Variants in ZNF536 observed in about 807,000 individuals in gnomAD.
ZNF536 encodes zinc finger protein 536.
ZNF536 carries 13 observed loss-of-function variants against 84.5 expected under a neutral mutation model. The ratio of observed to expected loss-of-function variants is 0.15; its 90% confidence interval spans 0.10 to 0.24. ZNF536 has a LOEUF of 0.24. Among genes scored for constraint, ZNF536 ranks in the 10% least tolerant of loss-of-function variants. ZNF536 has a pLI of 1.00. For synonymous variants in ZNF536, 811 were observed against 742.5 expected, an observed-to-expected ratio of 1.09 and a Z score of -1.50; for missense variants, 1,536 against 1,747.5, an observed-to-expected ratio of 0.88 and a Z score of 2.16.
In ZNF536 at chr19:30,592,730, T is replaced by C. The variant is rs943515141; in HGVS notation, c.169+43216T>C. The stretch of plus-strand genomic sequence containing the variant: ...CTAAGCCCAAAGATTAAATCAACTT[T>C]ACCCCCCATTTGCCAGCAAGTTCAC... On this transcript the variant is annotated intron_variant, in intron 1 of 1. Transcript: ENST00000592773. 1.3e-5 allele frequency among the ~76,000 whole-genome samples: 2 copies of C among 152,082 alleles called. 1 individual carries two copies. Among genetic ancestry groups the C allele is most frequent in the Admixed American group, 1.3e-4 (2 of 15,276 alleles).
chr19:30,398,644 G>A (rs2049922061), intron 1 of ZNF536, among the ~76,000 whole-genome samples: 1 of 152,028 alleles, frequency 6.6e-6, no homozygotes, highest in South Asian at 2.1e-4. Context: ...GCGGTGTTTG[G>A]TTTTCTGTTC....
intron 2 of ZNF536, among the ~76,000 whole-genome samples, chr19:30,285,633 C>T (rs1391955655): frequency 6.6e-6 from 1 of 152,208 alleles, no homozygotes; most frequent in Admixed American, 6.5e-5. Flanking sequence ...CCCAGAAATG[C>T]CCCTCTCTGA....
chr19:30,330,331 T>G (rs980412338), intron 2 of ZNF536, among the ~76,000 whole-genome samples: 1 of 152,156 alleles, frequency 6.6e-6, no homozygotes, highest in African/African-American at 2.4e-5. Context: ...AGAAACTCAC[T>G]CTTGAGTGGT....
intron 1 of ZNF536, among the ~76,000 whole-genome samples, chr19:30,430,977 T>C (rs909471582): frequency 2.0e-5 from 3 of 152,164 alleles, no homozygotes; most frequent in African/African-American, 7.2e-5. Context: ...CGCCTGCCCA[T>C]TGGGAGTCCT....
chr19:30,393,861 G>A (rs887072984), intron 1 of ZNF536, among the ~76,000 whole-genome samples: 4 of 152,208 alleles, frequency 2.6e-5, no homozygotes, highest in South Asian at 2.1e-4. Context: ...ATCATGTAAT[G>A]TGAATGTTGT....
At chr19:30,345,562 C>T (rs1000038288) in intron 2 of ZNF536, among the ~76,000 whole-genome samples, 1 of 152,166 alleles carries the variant, frequency 6.6e-6, no homozygotes, top group African/African-American at 2.4e-5. Flanking sequence ...AGCACTGTCC[C>T]ATGTCTACTT....
intron 1 of ZNF536, among the ~76,000 whole-genome samples, chr19:30,385,257 T>A (rs533413401): frequency 1.3e-5 from 2 of 151,904 alleles, no homozygotes; most frequent in African/African-American, 4.8e-5. Flanking sequence ...TGGTGGAGTT[T>A]GTCTAGCAAC....
At chr19:30,605,221 T>C (rs1268215183) in intron 1 of ZNF536, among the ~76,000 whole-genome samples, 1 of 152,108 alleles carries the variant, frequency 6.6e-6, no homozygotes, top group Non-Finnish European at 1.5e-5. Context: ...GGGGTGCAGA[T>C]GGTTTTTGGT....
At chr19:30,652,342 T>C (rs1056594354) in intron 1 of ZNF536, among the ~76,000 whole-genome samples, 2 of 152,226 alleles carry the variant, frequency 1.3e-5, no homozygotes, top group African/African-American at 4.8e-5. Context: ...TTTTAGAATC[T>C]CTACTGAGGC....
At chr19:30,234,301 G>C (rs1260072358) in intron 1 of ZNF536, among the ~76,000 whole-genome samples, 1 of 151,426 alleles carries the variant, frequency 6.6e-6, no homozygotes, top group South Asian at 2.1e-4. Flanking sequence ...TATATTTCTG[G>C]CCCCCTACCT....
intron 1 of ZNF536, among the ~76,000 whole-genome samples, chr19:30,579,671 G>A (rs548229366): frequency 2.0e-5 from 3 of 152,310 alleles, no homozygotes; most frequent in Admixed American, 6.5e-5. Context: ...AAGGAGGCAT[G>A]AGCCTTGTAG....
intron 2 of ZNF536, among the ~76,000 whole-genome samples, chr19:30,347,120 T>TTTTC (rs10678520): frequency 2.7e-5 from 4 of 147,362 alleles, no homozygotes; most frequent in South Asian, 4.3e-4. Flanking sequence ...TTTTTTTTTT[T>TTTTC]ATATGATTCT....
chr19:30,686,672 TGC>T (rs1187954941), intron 1 of ZNF536, among the ~76,000 whole-genome samples: 10 of 152,176 alleles, frequency 6.6e-5, no homozygotes, highest in Non-Finnish European at 2.9e-5. Context: ...GTCAGGTATC[TGC>T]GCGCGTCTTC....
chr19:30,518,383 T>G (rs2044177166), intron 2 of ZNF536, among the ~76,000 whole-genome samples: 2 of 152,252 alleles, frequency 1.3e-5, no homozygotes. Flanking sequence ...ATCACACTGC[T>G]GTGTTGGATC....
chr19:30,367,425 A>G (rs1031614937), upstream of ZNF536, among the ~76,000 whole-genome samples: 1 of 152,224 alleles, frequency 6.6e-6, no homozygotes, highest in Admixed American at 6.5e-5. Context: ...ATGGCCTAAA[A>G]ACACCATTGA....
At position 30,268,183 on chromosome 19, in the gene ZNF536, G is replaced by A. The variant is rs773340040; in HGVS notation, c.-189-15889G>A. Among the ~76,000 whole-genome samples the A allele has an allele frequency of 6.5e-4, 98 of 150,876 alleles. 1 individual carries two copies. The highest frequency in any genetic ancestry group is 1.2e-3 in the Non-Finnish European group (80 of 67,744). On this transcript the variant is annotated intron_variant, in intron 1 of 5. Coordinates refer to the ZNF536 transcript ENST00000585628. Reference sequence around the variant, plus strand: ...AATGATCTACTAGTGTTTAGATCCCGCGTTGTAATTGGTAGGCACTTAATT... The same window carrying A: ...AATGATCTACTAGTGTTTAGATCCCACGTTGTAATTGGTAGGCACTTAATT...
intron 1 of ZNF536, among the ~76,000 whole-genome samples, chr19:30,675,357 C>A (rs549565919): frequency 1.3e-5 from 2 of 152,198 alleles, no homozygotes; most frequent in Admixed American, 1.3e-4. Context: ...TCAAAGGTGT[C>A]CGTTGCTCTA....
intron 2 of ZNF536, among the ~76,000 whole-genome samples, chr19:30,316,535 G>T (rs181972751): frequency 6.6e-6 from 1 of 152,304 alleles, no homozygotes; most frequent in Admixed American, 6.5e-5. Context: ...TTTTTGGGGG[G>T]CTGCTGTAGA....
chr19:30,462,770 A>G (rs1029423937), intron 2 of ZNF536, among the ~76,000 whole-genome samples: 9 of 149,672 alleles, frequency 6.0e-5, no homozygotes, highest in Non-Finnish European at 1.2e-4. Context: ...TGTTGTGTGG[A>G]TAAGGATGTG....
Sources: allele counts gnomAD v4.1 joint callset (sites outside exome capture counted in the v4.1 genomes callset), GRCh38; gene constraint gnomAD v4.1.1; transcripts MANE v1.5; gene names NCBI Gene and HGNC (gene_info 2026-07-23, HGNC 2026-07-21).